CLNK: variants seen among roughly 807,000 people sequenced by gnomAD.
The protein encoded by CLNK is cytokine-dependent hematopoietic cell linker.
Under a neutral mutation model 68.6 loss-of-function variants are expected in CLNK, and 74 were observed. The observed-to-expected ratio is 1.08, with a 90% CI of 0.89 to 1.31. CLNK has a LOEUF of 1.31. Among genes scored for constraint, CLNK ranks in the 50% most tolerant of loss-of-function variants. The pLI, the probability that CLNK is intolerant of heterozygous loss-of-function variation, is 0.00. For missense variants in CLNK, 553 were observed against 515.3 expected (o/e 1.07, Z -0.71); for synonymous variants, 198 against 172.2 (o/e 1.15, Z -1.17).
At chr4:10,649,951 C>T (rs981937466) in intron 2 of CLNK, among the ~76,000 whole-genome samples, 4 of 152,046 alleles carry the variant, frequency 2.6e-5, no homozygotes, top group African/African-American at 9.7e-5. Flanking sequence ...ACAGGATTAG[C>T]TGTTCAGTCT....
chr4:10,649,152 C>T (rs577593392), intron 2 of CLNK, among the ~76,000 whole-genome samples: 14 of 152,158 alleles, frequency 9.2e-5, no homozygotes, highest in Admixed American at 5.2e-4. Context: ...GAATGAAAAA[C>T]GTAAAATCCT....
the CLNK span, among the ~76,000 whole-genome samples, chr4:10,709,537 C>T: frequency 6.6e-6 from 1 of 152,032 alleles, no homozygotes; most frequent in Non-Finnish European, 1.5e-5. Flanking sequence ...AAATTAATGG[C>T]AAAAAATGGC....
At chr4:10,622,282 T>A (rs996577841) in intron 2 of CLNK, among the ~76,000 whole-genome samples, 2 of 152,168 alleles carry the variant, frequency 1.3e-5, no homozygotes, top group African/African-American at 4.8e-5. Flanking sequence ...GGTCATATAG[T>A]TTTAAAGGAG....
chr4:10,686,155 G>C (rs952970390), upstream of CLNK, among the ~76,000 whole-genome samples: 2 of 152,128 alleles, frequency 1.3e-5, no homozygotes, highest in Non-Finnish European at 2.9e-5. Context: ...CGGCTTGTGG[G>C]TGTCTTTGTA....
chr4:10,557,891 A>C (rs1719737811), intron 8 of CLNK, among the ~76,000 whole-genome samples: 1 of 152,254 alleles, frequency 6.6e-6, no homozygotes, highest in Non-Finnish European at 1.5e-5. Context: ...GAGAGAAGCT[A>C]TAATGGATAC....
intron 2 of CLNK, among the ~76,000 whole-genome samples, chr4:10,638,918 C>A (rs370621155): frequency 2.0e-5 from 3 of 152,178 alleles, no homozygotes; most frequent in African/African-American, 7.2e-5. Flanking sequence ...ATAAGGACAT[C>A]AGTCACATTG....
intron 16 of CLNK, 137 bp downstream of exon 16, chr4:10,513,326 TA>T (rs1312367198): frequency 6.0e-6 from 4 of 662,724 alleles, no homozygotes; most frequent in Non-Finnish European, 7.2e-6. Flanking sequence ...TTAAAAATAT[TA>T]AAACCCAGTA....
rs1416228387 is a variant in CLNK, at chr4:10,641,486, A to T, written c.11+26373T>A. ...GGAGACCCCATTGCCCTTGGGATAG[A>T]ATCCAGACGTTATGCCAAGACTGTA... On this transcript the variant is annotated intron_variant, in intron 2 of 18. Transcript: ENST00000226951. 2.0e-5 allele frequency among the ~76,000 whole-genome samples: 3 copies of T among 152,188 alleles called. No homozygotes were observed. In the East Asian group the frequency reaches 5.8e-4, roughly 29 times the overall value.
intron 2 of CLNK, among the ~76,000 whole-genome samples, chr4:10,654,204 A>C (rs1484329795): frequency 1.3e-5 from 2 of 151,934 alleles, no homozygotes; most frequent in African/African-American, 2.4e-5. Flanking sequence ...CTAATGTACT[A>C]ACAAATAATA....
chr4:10,600,166 C>A (rs1436800143), intron 2 of CLNK, among the ~76,000 whole-genome samples: 3 of 152,136 alleles, frequency 2.0e-5, no homozygotes, highest in Non-Finnish European at 4.4e-5. Flanking sequence ...CTTAATGCTC[C>A]CATATCATTG....
the CLNK span, among the ~76,000 whole-genome samples, chr4:10,690,982 G>C: frequency 1.3e-5 from 2 of 152,114 alleles, no homozygotes; most frequent in East Asian, 3.9e-4. Context: ...GAAATGAAGA[G>C]TGTGGGGTGG....
At chr4:10,581,936 G>C (rs1487154954) in intron 4 of CLNK, among the ~76,000 whole-genome samples, 1 of 152,110 alleles carries the variant, frequency 6.6e-6, no homozygotes, top group Non-Finnish European at 1.5e-5. Flanking sequence ...AGAACTACTT[G>C]AATTGGAATT....
At chr4:10,675,230 C>G (rs955610616) in intron 1 of CLNK, among the ~76,000 whole-genome samples, 38 of 152,244 alleles carry the variant, frequency 2.5e-4, no homozygotes, top group African/African-American at 7.7e-4. Flanking sequence ...CAGGGTTCTG[C>G]AGATGAAAGT....
chr4:10,557,866 A>G (rs1719736777), intron 8 of CLNK, among the ~76,000 whole-genome samples: 1 of 152,206 alleles, frequency 6.6e-6, no homozygotes, highest in Non-Finnish European at 1.5e-5. Flanking sequence ...AGATAGGGGC[A>G]CGGGGGAAAA....
At chr4:10,586,497 T>C (rs563752547) in intron 3 of CLNK, among the ~76,000 whole-genome samples, 41 of 152,116 alleles carry the variant, frequency 2.7e-4, no homozygotes, top group African/African-American at 9.2e-4. Context: ...GTATTTTTAG[T>C]AGAGACGGGG....
intron 8 of CLNK, among the ~76,000 whole-genome samples, chr4:10,546,483 C>G (rs1719235795): frequency 6.6e-6 from 1 of 152,178 alleles, no homozygotes; most frequent in Non-Finnish European, 1.5e-5. Context: ...CTCCTCAGTT[C>G]TACCTCAAAC....
chr4:10,644,112 C>T (rs146687941), intron 2 of CLNK, among the ~76,000 whole-genome samples: 31 of 152,272 alleles, frequency 2.0e-4, no homozygotes, highest in African/African-American at 5.1e-4. Flanking sequence ...TACTGAGGGG[C>T]GGAGCCTCGT....
intron 1 of CLNK, among the ~76,000 whole-genome samples, chr4:10,679,157 C>T (rs1560276397): frequency 6.6e-6 from 1 of 152,054 alleles, no homozygotes; most frequent in Non-Finnish European, 1.5e-5. Flanking sequence ...GGTACTGGTA[C>T]CAAAACAGAG....
At chr4:10,509,169 A>T (rs1717456112) in intron 16 of CLNK, among the ~76,000 whole-genome samples, 1 of 151,466 alleles carries the variant, frequency 6.6e-6, no homozygotes, top group Non-Finnish European at 1.5e-5. Flanking sequence ...TAGGTACGTG[A>T]CATCAGGTCT....
Sources: allele counts gnomAD v4.1 joint callset (sites outside exome capture counted in the v4.1 genomes callset), GRCh38; gene constraint gnomAD v4.1.1; transcripts MANE v1.5; gene names NCBI Gene and HGNC (gene_info 2026-07-23, HGNC 2026-07-21).